The following OLFM3 variants were observed in gnomAD, a reference collection of about 807,000 sequenced individuals.
OLFM3 encodes the protein olfactomedin 3, also known as noelin-3.
OLFM3 carries 20 observed loss-of-function variants against 48.6 expected under a neutral mutation model. The ratio of observed to expected loss-of-function variants is 0.41; its 90% CI spans 0.29 to 0.60. The LOEUF (loss-of-function observed/expected upper bound fraction) is 0.60. Ranked by LOEUF, OLFM3 falls within the 20% of genes least tolerant of loss-of-function variation. The probability of loss-of-function intolerance (pLI) is 0.28; values close to 1 mark genes in which losing one functional copy is unlikely to be tolerated. For synonymous variants in OLFM3, 222 were observed against 198.1 expected, an observed-to-expected ratio of 1.12 and a Z score of -1.01; for missense variants, 437 against 544.3, an observed-to-expected ratio of 0.80 and a Z score of 1.96.
rs182855784 is a variant in OLFM3 at position 101,946,349 on chromosome 1, G to A, written c.69+50399C>T. On this transcript the variant is annotated intron_variant, in intron 1 of 5. Coordinates refer to ENST00000370103, the MANE Select transcript of OLFM3 (RefSeq NM_058170.4). The stretch of plus-strand genomic sequence containing the variant: ...CACGAGAATCCTTTGAAAATCTAGA[G>A]ACAAAGATATGTGACTTGAACAACA... Among the ~76,000 whole-genome samples the A allele has an allele frequency of 4.0e-3, 605 of 152,204 alleles. 1 individual carries two copies. Among genetic ancestry groups the A allele is most frequent in the Non-Finnish European group, 6.2e-3 (422 of 68,014 alleles).
At chr1:101,949,588 G>T (rs903903782) in intron 1 of OLFM3, among the ~76,000 whole-genome samples, 1 of 152,074 alleles carries the variant, frequency 6.6e-6, no homozygotes, top group Non-Finnish European at 1.5e-5. Flanking sequence ...AGTAGCAAGA[G>T]TGACCTTTTT....
chr1:101,978,627 T>C (rs1429968809), intron 1 of OLFM3, among the ~76,000 whole-genome samples: 1 of 152,214 alleles, frequency 6.6e-6, no homozygotes, highest in Non-Finnish European at 1.5e-5. Flanking sequence ...GTTTTGATCA[T>C]TGAGGTTTCA....
intron 1 of OLFM3, among the ~76,000 whole-genome samples, chr1:101,930,867 A>G (rs973745181): frequency 6.6e-6 from 1 of 152,250 alleles, no homozygotes; most frequent in Non-Finnish European, 1.5e-5. Context: ...ACATGAGGCA[A>G]TCAATTCTGT....
intron 1 of OLFM3, among the ~76,000 whole-genome samples, chr1:101,894,510 A>G (rs1658123959): frequency 6.6e-6 from 1 of 152,086 alleles, no homozygotes; most frequent in Non-Finnish European, 1.5e-5. Context: ...CCTAAGAATA[A>G]TTTTATTTTC....
At chr1:101,886,150 G>T (rs1194868036) in intron 1 of OLFM3, among the ~76,000 whole-genome samples, 6 of 151,930 alleles carry the variant, frequency 3.9e-5, no homozygotes, top group African/African-American at 1.4e-4. Context: ...AAAATTTTGA[G>T]TTTTTCCTTT....
At chr1:101,929,911 T>G (rs1659395339) in intron 1 of OLFM3, among the ~76,000 whole-genome samples, 1 of 152,018 alleles carries the variant, frequency 6.6e-6, no homozygotes, top group South Asian at 2.1e-4. Flanking sequence ...TTACATAAAT[T>G]ATTTTATAAT....
chr1:101,843,170 C>T (rs1203089089), intron 1 of OLFM3, among the ~76,000 whole-genome samples: 2 of 152,170 alleles, frequency 1.3e-5, no homozygotes, highest in Non-Finnish European at 2.9e-5. Flanking sequence ...TTGACTAACT[C>T]ATCAAAGTAG....
chr1:101,923,384 T>A lies in OLFM3; in HGVS notation c.69+73364A>T, dbSNP rs115525989. Reference sequence around the variant, plus strand: ...GTATTTATAATTTCAATCCAATTACTTGTTTTTAACTTACATTTTTGCACT... The same window carrying A: ...GTATTTATAATTTCAATCCAATTACATGTTTTTAACTTACATTTTTGCACT... On this transcript the variant is annotated intron_variant, in intron 1 of 5. Coordinates refer to ENST00000370103, the MANE Select transcript of OLFM3 (RefSeq NM_058170.4). 4.9e-3 allele frequency among the ~76,000 whole-genome samples: 742 copies of A among 152,330 alleles called. 8 individuals carry two copies. The highest frequency in any genetic ancestry group is 0.017 in the African/African-American group (716 of 41,582).
At chr1:101,876,745 C>T (rs1399397244) in intron 1 of OLFM3, among the ~76,000 whole-genome samples, 1 of 151,660 alleles carries the variant, frequency 6.6e-6, no homozygotes, top group Non-Finnish European at 1.5e-5. Flanking sequence ...ATCACCCTAC[C>T]TGAATTCTAT....
chr1:101,891,877 A>T (rs1218372719), intron 1 of OLFM3, among the ~76,000 whole-genome samples: 1 of 152,004 alleles, frequency 6.6e-6, no homozygotes, highest in Non-Finnish European at 1.5e-5. Flanking sequence ...ACCATATGGA[A>T]TTGCCATTTT....
chr1:101,962,408 GA>G (rs1439401248), intron 1 of OLFM3, among the ~76,000 whole-genome samples: 2 of 151,892 alleles, frequency 1.3e-5, no homozygotes, highest in Admixed American at 1.3e-4. Context: ...CCAAATAAAA[GA>G]AAAAAATCAC....
intron 1 of OLFM3, among the ~76,000 whole-genome samples, chr1:101,944,163 G>A (rs193275212): frequency 2.2e-4 from 34 of 151,752 alleles, no homozygotes; most frequent in African/African-American, 7.0e-4. Flanking sequence ...CTACTTCTAT[G>A]TTATATTTTA....
intron 1 of OLFM3, among the ~76,000 whole-genome samples, chr1:101,900,063 C>T (rs1018301660): frequency 6.6e-6 from 1 of 152,142 alleles, no homozygotes; most frequent in South Asian, 2.1e-4. Context: ...AGGATATTCC[C>T]TTATTCTGCC....
intron 1 of OLFM3, among the ~76,000 whole-genome samples, chr1:101,966,963 T>G (rs879875268): frequency 1.3e-5 from 2 of 152,164 alleles, no homozygotes; most frequent in Non-Finnish European, 1.5e-5. Flanking sequence ...ACTATAGAAA[T>G]TAGGGCAAAT....
chr1:101,854,944 CT>C lies in OLFM3; in HGVS notation c.70-17920del, dbSNP rs562807795. 3.4e-3 allele frequency among the ~76,000 whole-genome samples: 522 copies of C among 152,166 alleles called. 5 individuals carry two copies. Among genetic ancestry groups the C allele is most frequent in the African/African-American group, 0.012 (491 of 41,536 alleles). ...TATAGGGCCTGGAACATGATCAGTG[CT>C]CAATCAATGTTTGCCATCACTATGC... On this transcript the variant is annotated intron_variant, in intron 1 of 5. Transcript: ENST00000370103.
chr1:101,909,343 A>G (rs1658667390), intron 1 of OLFM3, among the ~76,000 whole-genome samples: 1 of 152,272 alleles, frequency 6.6e-6, no homozygotes, highest in Non-Finnish European at 1.5e-5. Flanking sequence ...TCTATTTGTA[A>G]TTATTTGATT....
chr1:101,804,252 C>G lies in OLFM3; in HGVS notation c.1363G>C (p.Glu455Gln). 6.3e-7 allele frequency: 1 copy of G among 1,592,940 alleles called. No homozygotes were observed. Among genetic ancestry groups the G allele is most frequent in the East Asian group, 2.2e-5 (1 of 44,678 alleles). The change falls in exon 6 of 6, where the codon GAG becomes CAG. Residue 455 changes from glutamate (E) to glutamine (Q), a missense_variant. Transcript: ENST00000370103. This position sits in a 1 kb window ranked among gnomAD's most constrained non-coding sequence, Gnocchi z 4.5. ...GTCACATTTGCCTATGTGTCATCCT[C>G]TGTCTTGATGATATGGAAAAGGGTG... ...NVTLFHIIKTEDDT is the reference protein window; with the variant it reads ...NVTLFHIIKTQDDT
intron 1 of OLFM3, among the ~76,000 whole-genome samples, chr1:101,877,504 A>G (rs761082243): frequency 1.3e-5 from 2 of 151,962 alleles, no homozygotes; most frequent in African/African-American, 2.4e-5. Flanking sequence ...CCAAAACAAC[A>G]CTATTACATA....
In OLFM3 at chr1:101,978,302, T is replaced by A. The variant is rs534166134; in HGVS notation, c.69+18446A>T. 5.9e-5 allele frequency among the ~76,000 whole-genome samples: 9 copies of A among 152,198 alleles called. No individual in the cohort carries two copies. In the South Asian group the frequency reaches 1.9e-3, roughly 32 times the overall value. Reference sequence around the variant, plus strand: ...TTGCATCATTTGAACCATATAATAATTCCCACAAAGATTAAAGATAAGATA... The same window carrying A: ...TTGCATCATTTGAACCATATAATAAATCCCACAAAGATTAAAGATAAGATA... On this transcript the variant is annotated intron_variant, in intron 1 of 5. Coordinates refer to ENST00000370103, the MANE Select transcript of OLFM3 (RefSeq NM_058170.4).
Sources: gnomAD v4.1 joint callset for allele counts (sites outside exome capture counted in the v4.1 genomes callset) on GRCh38, gnomAD v4.1.1 for gene constraint, Gnocchi (gnomAD v3.1) non-coding constraint, MANE v1.5 for transcripts, NCBI Gene and HGNC (gene_info 2026-07-23, HGNC 2026-07-21) for gene names.